Variants in PRKD2 observed in about 807,000 individuals in gnomAD.
PRKD2 encodes protein kinase D2.
PRKD2 carries 22 observed loss-of-function variants against 86.0 expected under a neutral mutation model. The observed-to-expected ratio is 0.26, with a 90% CI of 0.18 to 0.37. The LOEUF (loss-of-function observed/expected upper bound fraction) is 0.37, where lower values mean the gene tolerates loss of function less well. PRKD2 is among the 10% of genes least tolerant of loss of function. The pLI is 1.00. For missense variants in PRKD2, 818 were observed against 1,199.2 expected (o/e 0.68, Z 4.70); for synonymous variants, 509 against 510.9 (o/e 1.00, Z 0.05).
intron 15 of PRKD2, among the ~76,000 whole-genome samples, chr19:46,679,202 C>T (rs1257540598): frequency 1.3e-5 from 2 of 151,982 alleles, no homozygotes; most frequent in African/African-American, 2.4e-5. Flanking sequence ...AATTAGCACA[C>T]GCCTGCGGTC....
chr19:46,697,914 C>T (rs867328657), intron 7 of PRKD2, 64 bp from the exon 8 acceptor site: 4 of 1,288,450 alleles, frequency 3.1e-6, no homozygotes, highest in African/African-American at 1.5e-5. Flanking sequence ...CTTGGGAATG[C>T]AGGGGGCATC....
intron 7 of PRKD2, 29 bp downstream of exon 7, chr19:46,700,770 C>A (rs764926001): frequency 2.9e-5 from 47 of 1,595,588 alleles, no homozygotes; most frequent in Non-Finnish European, 4.0e-5. Flanking sequence ...GGTCTTCCCC[C>A]AGGGTCTCTT....
At chr19:46,679,160 C>T (rs1381800000) in intron 15 of PRKD2, among the ~76,000 whole-genome samples, 2 of 151,886 alleles carry the variant, frequency 1.3e-5, no homozygotes, top group African/African-American at 2.4e-5. Flanking sequence ...CTGGCCAACA[C>T]GATGAAACCC....
chr19:46,697,985 C>A, intron 7 of PRKD2, 135 bp from the exon 8 acceptor site: 1 of 697,556 alleles, frequency 1.4e-6, no homozygotes, highest in Non-Finnish European at 2.5e-6. Flanking sequence ...GACATTTTCC[C>A]CCCAACACAC....
intron 8 of PRKD2, 150 bp from the exon 9 acceptor site, chr19:46,697,384 C>T: frequency 1.6e-6 from 1 of 620,882 alleles, no homozygotes; most frequent in East Asian, 2.8e-5. Context: ...CACCCCACCA[C>T]ACGCCCTAAC....
In PRKD2 at chr19:46,692,377, T is replaced by G. The variant is rs150126827; in HGVS notation, c.1577-392A>C. Among the ~76,000 whole-genome samples, 500 of 151,968 alleles carry G rather than the reference T, an allele frequency of 3.3e-3. 7 individuals are homozygous for G. The highest frequency in any genetic ancestry group is 0.011 in the African/African-American group (468 of 41,452). Reference sequence around the variant, plus strand: ...CTGACTCCTGCATCTTCCCTTGAACTTTTCCCCCTACAAACCCAACCAGAG... The same window carrying G: ...CTGACTCCTGCATCTTCCCTTGAACGTTTCCCCCTACAAACCCAACCAGAG... On this transcript the variant is annotated intron_variant, in intron 10 of 17. Coordinates refer to ENST00000291281, the MANE Select transcript of PRKD2 (RefSeq NM_016457.5).
At chr19:46,713,104 A>C (rs2122173867) in intron 2 of PRKD2, among the ~76,000 whole-genome samples, 1 of 151,100 alleles carries the variant, frequency 6.6e-6, no homozygotes, top group South Asian at 2.1e-4. Context: ...CTGCAGCCTC[A>C]AACTCCTAAG....
intron 9 of PRKD2, among the ~76,000 whole-genome samples, chr19:46,695,550 A>G (rs1304954491): frequency 6.6e-6 from 1 of 152,212 alleles, no homozygotes; most frequent in Non-Finnish European, 1.5e-5. Context: ...CACAAGGAAG[A>G]GCCTGGGCTT....
chr19:46,674,884 C>G (rs1185662387), intron 17 of PRKD2, 149 bp from the exon 18 acceptor site: 1 of 1,156,672 alleles, frequency 8.6e-7, no homozygotes. Flanking sequence ...AGCTCCACCC[C>G]CTCTTCCTGC....
intron 13 of PRKD2, among the ~76,000 whole-genome samples, chr19:46,690,326 T>C (rs2053465704): frequency 6.6e-6 from 1 of 152,162 alleles, no homozygotes; most frequent in Non-Finnish European, 1.5e-5. Context: ...TCAAAAGCCT[T>C]CTGTGGCTCT....
At chr19:46,697,711 CG>C (rs2053581365) in intron 8 of PRKD2, 21 bp downstream of exon 8, 1 of 1,595,676 alleles carries the variant, frequency 6.3e-7, no homozygotes, top group Admixed American at 1.7e-5. Context: ...CCGCCGTACC[CG>C]GCCCCGCCCC....
chr19:46,683,859 T>C (rs548893438), intron 14 of PRKD2, among the ~76,000 whole-genome samples: 142 of 152,316 alleles, frequency 9.3e-4, no homozygotes, highest in African/African-American at 3.4e-3. Context: ...TTGTGATGGC[T>C]TGTTGGTAAA....
chr19:46,703,365 A>G (rs1037920575), intron 5 of PRKD2, among the ~76,000 whole-genome samples: 1 of 151,818 alleles, frequency 6.6e-6, no homozygotes, highest in African/African-American at 2.4e-5. Flanking sequence ...GGTGGCTCAC[A>G]CCTGTAATCC....
intron 3 of PRKD2, among the ~76,000 whole-genome samples, chr19:46,708,306 AC>A (rs1476841727): frequency 1.9e-4 from 21 of 112,212 alleles, no homozygotes; most frequent in Non-Finnish European, 3.0e-4. Flanking sequence ...GGGACTGGTG[AC>A]CTTTTTTTTT....
chr19:46,707,868 G>A (rs1023395933), intron 3 of PRKD2, among the ~76,000 whole-genome samples: 1 of 152,088 alleles, frequency 6.6e-6, no homozygotes, highest in African/African-American at 2.4e-5. Flanking sequence ...AGGGCAAGGC[G>A]GGTGGATCAT....
At position 46,677,614 on chromosome 19, in the gene PRKD2, T is replaced by C. The variant is rs540016026; in HGVS notation, c.2338+782A>G. On this transcript the variant is annotated intron_variant, in intron 16 of 17. Transcript: ENST00000291281. The stretch of plus-strand genomic sequence containing the variant: ...AGCTCCAGGCCTTAGGACTTAACTT[T>C]TCCAAGCAGGGAAAGTTACAGACCC... 3.3e-5 allele frequency among the ~76,000 whole-genome samples: 5 copies of C among 152,076 alleles called. No homozygotes were observed. The South Asian group carries it at 8.3e-4, about 25-fold the overall frequency.
At chr19:46,686,529 T>C (rs1235813805) in intron 14 of PRKD2, among the ~76,000 whole-genome samples, 1 of 150,192 alleles carries the variant, frequency 6.7e-6, no homozygotes, top group Non-Finnish European at 1.5e-5. Flanking sequence ...CTCATGCCTG[T>C]GGTTCCAGTT....
intron 12 of PRKD2, among the ~76,000 whole-genome samples, chr19:46,690,942 A>G (rs1204878785): frequency 6.6e-6 from 1 of 152,182 alleles, no homozygotes; most frequent in African/African-American, 2.4e-5. Flanking sequence ...AATGTATAAC[A>G]TGGGAAACTG....
At chr19:46,712,311 T>C (rs1328958900) in intron 2 of PRKD2, among the ~76,000 whole-genome samples, 1 of 151,178 alleles carries the variant, frequency 6.6e-6, no homozygotes, top group African/African-American at 2.4e-5. Flanking sequence ...GAGGCTGAGG[T>C]GGGCAGATCA....
Sources: gnomAD v4.1 joint callset for allele counts (sites outside exome capture counted in the v4.1 genomes callset) on GRCh38, gnomAD v4.1.1 for gene constraint, MANE v1.5 for transcripts, NCBI Gene and HGNC (gene_info 2026-07-23, HGNC 2026-07-21) for gene names.